ADAMTS16: variants seen among roughly 807,000 people sequenced by gnomAD.
ADAMTS16 encodes the protein ADAM metallopeptidase with thrombospondin type 1 motif 16, also known as A disintegrin and metalloproteinase with thrombospondin motifs 16.
In ADAMTS16, 94 loss-of-function variants were observed where a neutral mutation model predicts 145.8. The observed-to-expected ratio is 0.64, with a 90% CI of 0.55 to 0.77. ADAMTS16 has a LOEUF of 0.77. ADAMTS16 is among the 30% of genes least tolerant of loss of function. The probability of loss-of-function intolerance (pLI) is 0.00; values close to 1 mark genes in which losing one functional copy is unlikely to be tolerated. For missense variants in ADAMTS16, 1,585 were observed against 1,591.5 expected (o/e 1.00, Z 0.07); for synonymous variants, 659 against 604.3 (o/e 1.09, Z -1.33).
At chr5:5,187,192 A>T (rs188477987) in intron 5 of ADAMTS16, among the ~76,000 whole-genome samples, 1 of 152,320 alleles carries the variant, frequency 6.6e-6, no homozygotes, top group Non-Finnish European at 1.5e-5. Context: ...ACTTCAGGTT[A>T]CATTCCATGG....
rs113938695 is a variant in ADAMTS16 at position 5,300,292 on chromosome 5, C to T, written c.2790-2976C>T. Among the ~76,000 whole-genome samples, 1,059 of 151,984 alleles carry T rather than the reference C, an allele frequency of 7.0e-3. 17 individuals are homozygous for T. The highest frequency in any genetic ancestry group is 0.024 in the African/African-American group (993 of 41,424). ...CACACAGAAGCGGCAACAGAGTAACCGAGAGGCTTTACATGGAGAATTATC... is the reference window on the plus strand; with the variant it reads ...CACACAGAAGCGGCAACAGAGTAACTGAGAGGCTTTACATGGAGAATTATC... On this transcript the variant is annotated intron_variant, in intron 18 of 22. Transcript: ENST00000274181.
intron 18 of ADAMTS16, among the ~76,000 whole-genome samples, chr5:5,301,509 T>G (rs1283067938): frequency 1.3e-5 from 2 of 152,158 alleles, no homozygotes; most frequent in Non-Finnish European, 2.9e-5. Flanking sequence ...ATAGAAGGGA[T>G]CATAGCGGGA....
intron 18 of ADAMTS16, among the ~76,000 whole-genome samples, chr5:5,288,098 C>T (rs573902015): frequency 6.6e-6 from 1 of 152,270 alleles, no homozygotes; most frequent in South Asian, 2.1e-4. Flanking sequence ...ATTTTAAAAT[C>T]CTTGTCATAA....
At chr5:5,207,222 C>T (rs1049082034) in intron 9 of ADAMTS16, among the ~76,000 whole-genome samples, 3 of 152,136 alleles carry the variant, frequency 2.0e-5, no homozygotes, top group Non-Finnish European at 4.4e-5. Context: ...TGATTTCTTT[C>T]ATCAGTTTTG....
intron 3 of ADAMTS16, among the ~76,000 whole-genome samples, chr5:5,165,371 T>C (rs879785579): frequency 1.8e-4 from 28 of 152,106 alleles, no homozygotes; most frequent in Non-Finnish European, 2.9e-4. Flanking sequence ...CGAGCTTCAA[T>C]GTGTTATCTA....
chr5:5,236,874 G>A (rs942639356), intron 13 of ADAMTS16, 95 bp from the exon 14 acceptor site: 40 of 1,442,348 alleles, frequency 2.8e-5, no homozygotes, highest in Non-Finnish European at 3.6e-5. Context: ...TTATTTTATG[G>A]GGGAAGAAAG....
intron 3 of ADAMTS16, among the ~76,000 whole-genome samples, chr5:5,175,038 A>G (rs1186509528): frequency 6.6e-6 from 1 of 152,062 alleles, no homozygotes; most frequent in African/African-American, 2.4e-5. Flanking sequence ...CAAAATCCCC[A>G]TTACTTTTCC....
rs572387818 is a variant in ADAMTS16 at position 5,318,969 on chromosome 5, A to C, written c.3560-54A>C. 58 of 1,331,126 alleles carry C rather than the reference A, an allele frequency of 4.4e-5. No individual in the cohort carries two copies. The East Asian group carries it at 1.3e-3, about 31-fold the overall frequency. The allele number at this position is 1,331,126 out of a possible 1,614,324, so 82.5% of individuals were successfully genotyped here. Reference sequence around the variant, plus strand: ...TGCCAGACAGAGCTATTAGCTGGCAACATCAGTCGCTGCACTCGGGATCGC... The same window carrying C: ...TGCCAGACAGAGCTATTAGCTGGCACCATCAGTCGCTGCACTCGGGATCGC... On this transcript the variant is annotated intron_variant, in intron 22 of 22. Transcript: ENST00000274181.
Position 5,303,566 on chromosome 5 carries a change from G to T in ADAMTS16, c.2992-6G>T. 1 of 1,613,996 alleles carries T rather than the reference G, an allele frequency of 6.2e-7. No homozygotes were observed. The highest frequency in any genetic ancestry group is 1.3e-5 in the African/African-American group (1 of 75,052). ...ACTGGGTGCTTATCCTGACTGTTCT[G>T]TGCAGTGCTCACACACCTGTGGGAA... On this transcript the variant is annotated splice_polypyrimidine_tract_variant and splice_region_variant and intron_variant, in intron 19 of 22. Transcript: ENST00000274181.
chr5:5,180,041 C>A (rs569527089), intron 3 of ADAMTS16, among the ~76,000 whole-genome samples: 5 of 152,186 alleles, frequency 3.3e-5, no homozygotes, highest in Non-Finnish European at 7.3e-5. Flanking sequence ...GTACAAATGT[C>A]TGGACTCATC....
intron 3 of ADAMTS16, among the ~76,000 whole-genome samples, chr5:5,168,825 A>T (rs1238549433): frequency 2.0e-5 from 3 of 148,568 alleles, no homozygotes; most frequent in Non-Finnish European, 4.4e-5. Context: ...TAATTGTTAT[A>T]ATCTTCTTTT....
chr5:5,207,192 C>G (rs189772864), intron 9 of ADAMTS16, among the ~76,000 whole-genome samples: 111 of 152,258 alleles, frequency 7.3e-4, no homozygotes, highest in Non-Finnish European at 1.4e-3. Context: ...CATGAAATAT[C>G]TCTCTATTTA....
chr5:5,255,033 T>A (rs1324806145), intron 17 of ADAMTS16, among the ~76,000 whole-genome samples: 1 of 152,188 alleles, frequency 6.6e-6, no homozygotes, highest in Non-Finnish European at 1.5e-5. Context: ...TTATGTATGG[T>A]AATTGGACTA....
chr5:5,222,353 A>ATGGG (rs1736632377), intron 10 of ADAMTS16, among the ~76,000 whole-genome samples: 1 of 151,910 alleles, frequency 6.6e-6, no homozygotes, highest in Admixed American at 6.6e-5. Context: ...GGATGGATGG[A>ATGGG]TGGACAAGTG....
intron 10 of ADAMTS16, among the ~76,000 whole-genome samples, chr5:5,219,089 G>A (rs556796345): frequency 2.4e-4 from 36 of 152,182 alleles, no homozygotes; most frequent in African/African-American, 8.4e-4. Flanking sequence ...GTACAGGCCT[G>A]AGTGTGGAGC....
Position 5,165,597 on chromosome 5 carries a change from G to C in ADAMTS16, c.502-16447G>C, listed in dbSNP as rs1360105842. 1.3e-5 allele frequency among the ~76,000 whole-genome samples: 2 copies of C among 152,156 alleles called. 1 individual carries two copies. Among genetic ancestry groups the C allele is most frequent in the Non-Finnish European group, 2.9e-5 (2 of 68,034 alleles). On this transcript the variant is annotated intron_variant, in intron 3 of 22. Transcript: ENST00000274181. ...TAAAGAGCATCGTTGTGAGAGACTG[G>C]ATATCAACAGCAAAACCGGTAGGAG...
intron 21 of ADAMTS16, among the ~76,000 whole-genome samples, chr5:5,315,399 C>T (rs1446925726): frequency 6.7e-6 from 1 of 148,362 alleles, no homozygotes; most frequent in Non-Finnish European, 1.5e-5. Context: ...GAATCAGTGA[C>T]AAAAATGAAT....
intron 8 of ADAMTS16, among the ~76,000 whole-genome samples, chr5:5,199,245 G>A (rs1428035479): frequency 6.6e-6 from 1 of 152,112 alleles, no homozygotes; most frequent in Admixed American, 6.5e-5. Context: ...ACAGGTGCAC[G>A]GCTCCATTTT....
chr5:5,263,559 G>A lies in ADAMTS16; in HGVS notation c.2789+776G>A, dbSNP rs532850619. 8.5e-5 allele frequency among the ~76,000 whole-genome samples: 13 copies of A among 152,346 alleles called. No individual in the cohort carries two copies. In the East Asian group the frequency reaches 2.5e-3, roughly 30 times the overall value. On this transcript the variant is annotated intron_variant, in intron 18 of 22. Transcript: ENST00000274181. The stretch of plus-strand genomic sequence containing the variant: ...CAGCCCCTTGTGGGAGGGAGCATGT[G>A]AGCAAGTGAGTACAGGATCCAGCTG...
Sources: allele counts gnomAD v4.1 joint callset (sites outside exome capture counted in the v4.1 genomes callset), GRCh38; gene constraint gnomAD v4.1.1; transcripts MANE v1.5; gene names NCBI Gene and HGNC (gene_info 2026-07-23, HGNC 2026-07-21).